The following C21orf58 variants were observed in gnomAD, a reference collection of about 807,000 sequenced individuals.
C21orf58 encodes chromosome 21 open reading frame 58, also known as uncharacterized protein C21orf58.
C21orf58 carries 34 observed loss-of-function variants against 35.8 expected under a neutral mutation model. That is an observed-to-expected ratio of 0.95 (90% CI 0.72 to 1.26). The LOEUF is 1.26. Among genes scored for constraint, C21orf58 ranks in the 50% most tolerant of loss-of-function variants. The pLI is 0.00. For missense variants in C21orf58, 440 were observed against 414.3 expected (o/e 1.06, Z -0.54); for synonymous variants, 191 against 175.8 (o/e 1.09, Z -0.68).
At position 46,317,218 on chromosome 21, in the gene C21orf58, G is replaced by A. The variant is rs779677700; in HGVS notation, c.360C>T (p.His120=). ...CCCAGGGGCTCTCACCTGGCTCGAG[G>A]TGGAGGCCCTCAGGTCCCCCTTCCA... is the stretch of plus-strand genomic sequence containing the variant. ...QNVEGGPEGL[H]LEPGNEDRPD... is the part of the protein sequence containing the mutation. Residue 120 remains histidine, a synonymous_variant, in exon 3 of 8, where the codon CAC becomes CAT. Coordinates refer to ENST00000291691, the MANE Select transcript of C21orf58 (RefSeq NM_058180.5). 3 of 1,610,994 alleles carry A rather than the reference G, an allele frequency of 1.9e-6. No individual in the cohort carries two copies. The highest frequency in any genetic ancestry group is 1.3e-5 in the African/African-American group (1 of 74,904).
intron 6 of C21orf58, among the ~76,000 whole-genome samples, chr21:46,306,187 T>C (rs776695910): frequency 6.6e-6 from 1 of 151,942 alleles, no homozygotes; most frequent in Non-Finnish European, 1.5e-5. Context: ...CAATCTAGAT[T>C]TGAATATGCA....
intron 6 of C21orf58, among the ~76,000 whole-genome samples, chr21:46,304,883 C>G (rs1190739265): frequency 6.6e-6 from 1 of 152,248 alleles, no homozygotes; most frequent in African/African-American, 2.4e-5. Context: ...TGGACTGTTA[C>G]TCATCTGTGA....
intron 1 of C21orf58, chr21:46,320,960 C>T (rs2146130176): frequency 6.6e-6 from 1 of 152,312 alleles, no homozygotes; most frequent in East Asian, 1.9e-4. Flanking sequence ...GAATGGGAAG[C>T]ACTAAGAATT....
chr21:46,312,888 C>A, intron 5 of C21orf58: 1 of 535,018 alleles, frequency 1.9e-6, no homozygotes, highest in Non-Finnish European at 2.4e-6. Context: ...CCATCATATA[C>A]TGTAGTACAT....
At chr21:46,301,104 T>G (rs918970543), downstream of C21orf58, 34 of 1,007,648 alleles carry the variant, frequency 3.4e-5, no homozygotes, top group Middle Eastern at 5.1e-4. Flanking sequence ...TTTTATTAAC[T>G]CAAAAGGGAT....
chr21:46,305,298 G>T (rs957347820), intron 6 of C21orf58, among the ~76,000 whole-genome samples: 45 of 124,542 alleles, frequency 3.6e-4, no homozygotes, highest in Non-Finnish European at 5.5e-4. Context: ...AAGTTACATG[G>T]TTTTTTTTTT....
chr21:46,300,639 C>T, downstream of C21orf58: 1 of 1,232,464 alleles, frequency 8.1e-7, no homozygotes, highest in South Asian at 1.4e-5. Flanking sequence ...TCACACCTGC[C>T]CGTCCATGTC....
Position 46,302,132 on chromosome 21 carries a change from C to T in C21orf58, c.836G>A (p.Arg279Lys), listed in dbSNP as rs540743590. The part of the protein sequence containing the change: ...ALQDPPHVPP[R>K]VPRAARPRLP... ...CCTTGGCCTGGCAGCTCGTGGGACC[C>T]TCGGGGGCACATGTGGCGGGTCCTG... The change falls in exon 8 of 8, where the codon AGG (arginine) becomes AAG (lysine). Residue 279 changes from arginine to lysine, a missense_variant. Coordinates refer to ENST00000291691, the MANE Select transcript of C21orf58 (RefSeq NM_058180.5). 2 of 1,510,346 alleles carry T rather than the reference C, an allele frequency of 1.3e-6. No homozygotes were observed. Among genetic ancestry groups the T allele is most frequent in the African/African-American group, 2.8e-5 (2 of 72,028 alleles). The allele number at this position is 1,510,346 out of a possible 1,614,324, so 93.6% of individuals were successfully genotyped here. A position where few individuals can be genotyped will look rare whatever the true frequency, so the allele number is the denominator to read the frequency against.
intron 1 of C21orf58, 112 bp from the exon 2 acceptor site, chr21:46,318,332 G>C: frequency 6.7e-7 from 1 of 1,503,180 alleles, no homozygotes; most frequent in Non-Finnish European, 8.8e-7. Context: ...CCAGACACAG[G>C]GAGGCCCCAG....
At chr21:46,304,929 A>C (rs953834096) in intron 6 of C21orf58, among the ~76,000 whole-genome samples, 1 of 152,250 alleles carries the variant, frequency 6.6e-6, no homozygotes, top group Admixed American at 6.5e-5. Flanking sequence ...AGGACATCAC[A>C]CTAAGCGAAA....
intron 2 of C21orf58, 85 bp from the exon 3 acceptor site, chr21:46,317,353 G>A: frequency 6.4e-7 from 1 of 1,553,698 alleles, no homozygotes; most frequent in Non-Finnish European, 8.7e-7. Context: ...GGCTTTCTGA[G>A]TGAAAAGAAT....
rs2083232735 is a variant in C21orf58, at chr21:46,323,140, CGCGCCA to C, written c.-408_-403del. 6.5e-6 allele frequency: 1 copy of C among 154,028 alleles called. No homozygotes were observed. The highest frequency in any genetic ancestry group is 1.4e-5 in the Non-Finnish European group (1 of 69,282). The allele number at this position is 154,028 out of a possible 1,614,324, so 9.5% of individuals were successfully genotyped here. A position where few individuals can be genotyped will look rare whatever the true frequency, so the allele number is the denominator to read the frequency against. ...TAGTTTCCCAAGTTCCACCTACGCG[CGCGCCA>C]GCTGAGAAAACGCCCACCCCGGCGG... On this transcript the variant is annotated 5_prime_UTR_variant, in exon 1 of 8. Coordinates refer to ENST00000291691, the MANE Select transcript of C21orf58 (RefSeq NM_058180.5).
chr21:46,305,810 C>T (rs548175985), intron 6 of C21orf58, among the ~76,000 whole-genome samples: 18 of 151,848 alleles, frequency 1.2e-4, no homozygotes, highest in Non-Finnish European at 2.5e-4. Flanking sequence ...GGCCTGGTGG[C>T]GGGCACATGT....
In C21orf58 at chr21:46,314,860, C is replaced by T; in HGVS notation, c.465G>A (p.Glu155=). 6.4e-7 allele frequency: 1 copy of T among 1,550,424 alleles called. No individual in the cohort carries two copies. Among genetic ancestry groups the T allele is most frequent in the Non-Finnish European group, 8.7e-7 (1 of 1,146,910 alleles). Residue 155 remains glutamate, a synonymous_variant, in exon 5 of 8, where the codon GAG becomes GAA. Coordinates refer to ENST00000291691, the MANE Select transcript of C21orf58 (RefSeq NM_058180.5). ...QRLREQHLLD[E]LSRAQAWSGP... is the part of the protein sequence containing the mutation. ...CGCTCCAGGCCTGGGCCCGAGAGAGCTCGTCCAGGAGGTGTTGTTCCTGCA... is the reference window on the plus strand; with the variant it reads ...CGCTCCAGGCCTGGGCCCGAGAGAGTTCGTCCAGGAGGTGTTGTTCCTGCA...
At chr21:46,303,746 T>TATATATATATATATATA (rs1491346235) in intron 6 of C21orf58, among the ~76,000 whole-genome samples, 9 of 12,068 alleles carry the variant, frequency 7.5e-4, no homozygotes, top group East Asian at 2.3e-3. Flanking sequence ...TATATATATA[T>TATATATATATATATATA]TTTTTTTTTT....
chr21:46,322,956 G>C lies in C21orf58; in HGVS notation c.-218C>G. 1 of 402,166 alleles carries C rather than the reference G, an allele frequency of 2.5e-6. No individual in the cohort carries two copies. Among genetic ancestry groups the C allele is most frequent in the East Asian group, 3.8e-5 (1 of 26,582 alleles). The allele number at this position is 402,166 out of a possible 1,614,324, so 24.9% of individuals were successfully genotyped here. On this transcript the variant is annotated 5_prime_UTR_variant, in exon 1 of 8. Coordinates refer to ENST00000291691, the MANE Select transcript of C21orf58 (RefSeq NM_058180.5). ...GCCCTCCACGACGAACCTTTTGCAA[G>C]TGAAGGCGCACGAACAGGCCCGGAG...
chr21:46,308,185 A>G (rs927391093), intron 6 of C21orf58, among the ~76,000 whole-genome samples: 1 of 152,004 alleles, frequency 6.6e-6, no homozygotes, highest in Non-Finnish European at 1.5e-5. Context: ...ACTGCTGCCC[A>G]GGCGCGGTGG....
At chr21:46,310,759 G>A (rs1341508587) in intron 6 of C21orf58, among the ~76,000 whole-genome samples, 1 of 151,918 alleles carries the variant, frequency 6.6e-6, no homozygotes, top group Non-Finnish European at 1.5e-5. Context: ...GCAATGAGCT[G>A]AGATCATGCC....
At chr21:46,321,212 A>G (rs1248216652) in intron 1 of C21orf58, among the ~76,000 whole-genome samples, 2 of 152,086 alleles carry the variant, frequency 1.3e-5, no homozygotes, top group Admixed American at 6.6e-5. Context: ...TGCGACGCCC[A>G]GGCTAGAGTG....
Sources: gnomAD v4.1 joint callset for allele counts (sites outside exome capture counted in the v4.1 genomes callset) on GRCh38, gnomAD v4.1.1 for gene constraint, MANE v1.5 for transcripts, NCBI Gene and HGNC (gene_info 2026-07-23, HGNC 2026-07-21) for gene names.